KIF26B: variants seen among roughly 807,000 people sequenced by gnomAD.
KIF26B encodes the protein kinesin family member 26B.
KIF26B carries 63 observed loss-of-function variants against 151.2 expected under a neutral mutation model. That is an observed-to-expected ratio of 0.42 (90% CI 0.34 to 0.51). KIF26B has a LOEUF of 0.51. Among genes scored for constraint, KIF26B ranks in the 20% least tolerant of loss-of-function variants. KIF26B has a pLI of 0.07. For missense variants in KIF26B, 2,813 were observed against 2,913.6 expected, an observed-to-expected ratio of 0.97 and a Z score of 0.79; for synonymous variants, 1,357 against 1,262.1, an observed-to-expected ratio of 1.08 and a Z score of -1.59.
chr1:245,522,149 G>A lies in KIF26B; in HGVS notation c.1167-18618G>A, dbSNP rs560348983. Among the ~76,000 whole-genome samples the A allele has an allele frequency of 5.5e-4, 83 of 152,240 alleles. 1 individual carries two copies. The highest frequency in any genetic ancestry group is 1.1e-3 in the Admixed American group (17 of 15,288). ...CTCCCAAAGTGCTGGGATTACAGGT[G>A]TGAGCCACCGCGCCCGGCCTGGTCC... On this transcript the variant is annotated intron_variant, in intron 4 of 14. Transcript: ENST00000407071.
chr1:245,510,419 A>G (rs1203172162), intron 4 of KIF26B, among the ~76,000 whole-genome samples: 1 of 152,168 alleles, frequency 6.6e-6, no homozygotes, highest in Non-Finnish European at 1.5e-5. Context: ...GTCTGCACAT[A>G]CGTGGCTAAA....
At chr1:245,471,219 C>T (rs1659906516) in intron 4 of KIF26B, among the ~76,000 whole-genome samples, 1 of 152,006 alleles carries the variant, frequency 6.6e-6, no homozygotes, top group South Asian at 2.1e-4. Context: ...CAACCTCCAC[C>T]TCCCAGGTTC....
chr1:245,581,965 T>G (rs1771535), intron 5 of KIF26B, among the ~76,000 whole-genome samples: 4,966 of 64,244 alleles, frequency 0.077, 335 homozygotes, highest in African/African-American at 0.24. Flanking sequence ...AGGAAGGAAA[T>G]AAATAAGCAA....
chr1:245,344,582 A>G (rs1024611544), intron 2 of KIF26B, among the ~76,000 whole-genome samples: 2 of 150,430 alleles, frequency 1.3e-5, no homozygotes, highest in African/African-American at 4.9e-5. Flanking sequence ...AAGGGCAATC[A>G]CTCTGGCTTC....
At position 245,609,501 on chromosome 1, in the gene KIF26B, C is replaced by T; in HGVS notation, c.1887C>T (p.Leu629=). Residue 629 remains leucine (L), a synonymous_variant, in exon 8 of 15, where the codon CTC becomes CTT. Transcript: ENST00000407071. Reference sequence around the variant, plus strand: ...ACGGCCAGTCCCCGGGCGTGTACCTCTGTGAGGACCCCATCTGCGGCACGC... The same window carrying T: ...ACGGCCAGTCCCCGGGCGTGTACCTTTGTGAGGACCCCATCTGCGGCACGC... The part of the protein sequence containing the change: ...LQDGQSPGVY[L]CEDPICGTQL... The T allele has an allele frequency of 6.3e-7, 1 of 1,575,502 alleles. No homozygotes were observed. The highest frequency in any genetic ancestry group is 1.3e-5 in the African/African-American group (1 of 74,246).
intron 2 of KIF26B, among the ~76,000 whole-genome samples, chr1:245,159,785 A>G (rs578145669): frequency 1.3e-5 from 2 of 152,300 alleles, no homozygotes; most frequent in South Asian, 2.1e-4. Flanking sequence ...CATTCCGGGT[A>G]TCTGGTTGGT....
At chr1:245,610,311 C>G (rs755557675) in intron 8 of KIF26B, among the ~76,000 whole-genome samples, 1 of 152,190 alleles carries the variant, frequency 6.6e-6, no homozygotes, top group African/African-American at 2.4e-5. Context: ...ATGCTCTTCC[C>G]CTGCTTAAAG....
intron 10 of KIF26B, among the ~76,000 whole-genome samples, chr1:245,647,069 G>C (rs1387092091): frequency 6.6e-6 from 1 of 152,156 alleles, no homozygotes. Flanking sequence ...CCTAAAATGA[G>C]GGTTAAAGCT....
intron 4 of KIF26B, among the ~76,000 whole-genome samples, chr1:245,521,328 G>C (rs183970471): frequency 2.7e-5 from 4 of 146,496 alleles, no homozygotes; most frequent in Admixed American, 6.8e-5. Flanking sequence ...GTGACAGAGC[G>C]AGACTCCGTC....
At chr1:245,662,555 T>C (rs1210826639) in intron 10 of KIF26B, among the ~76,000 whole-genome samples, 2 of 76,144 alleles carry the variant, frequency 2.6e-5, no homozygotes, top group African/African-American at 9.5e-5. Context: ...CCCAATGATA[T>C]ATATATACAC....
At chr1:245,197,568 A>G (rs1437842867) in intron 2 of KIF26B, among the ~76,000 whole-genome samples, 1 of 152,206 alleles carries the variant, frequency 6.6e-6, no homozygotes, top group Non-Finnish European at 1.5e-5. Context: ...GTTATTCATT[A>G]GGAAGATTTG....
chr1:245,605,689 CCT>C (rs1001337869), intron 6 of KIF26B, among the ~76,000 whole-genome samples: 2 of 152,100 alleles, frequency 1.3e-5, no homozygotes, highest in Non-Finnish European at 2.9e-5. Context: ...AGGCTGCATG[CCT>C]CTCCAGGTCC....
intron 2 of KIF26B, among the ~76,000 whole-genome samples, chr1:245,286,746 A>G (rs1187939783): frequency 6.6e-6 from 1 of 152,212 alleles, no homozygotes; most frequent in African/African-American, 2.4e-5. Context: ...TCCTCACTTT[A>G]TAAAAGGAGT....
At chr1:245,248,475 G>A (rs577563805) in intron 2 of KIF26B, among the ~76,000 whole-genome samples, 1 of 152,292 alleles carries the variant, frequency 6.6e-6, no homozygotes, top group Admixed American at 6.5e-5. Flanking sequence ...ACTGAACTCT[G>A]GTTACTTCCT....
chr1:245,487,717 C>T (rs1225706128), intron 4 of KIF26B, among the ~76,000 whole-genome samples: 1 of 152,066 alleles, frequency 6.6e-6, no homozygotes, highest in African/African-American at 2.4e-5. Flanking sequence ...CCTACCTACG[C>T]CTCCCGAGTA....
At chr1:245,250,250 T>C (rs1353445359) in intron 2 of KIF26B, among the ~76,000 whole-genome samples, 19 of 152,160 alleles carry the variant, frequency 1.2e-4, no homozygotes, top group Admixed American at 1.2e-3. Context: ...TAGGTAGGCG[T>C]ATTATATATA....
At chr1:245,683,188 T>C (rs957761383) in intron 10 of KIF26B, among the ~76,000 whole-genome samples, 1 of 152,166 alleles carries the variant, frequency 6.6e-6, no homozygotes, top group Non-Finnish European at 1.5e-5. Flanking sequence ...CTGAGCTGGA[T>C]AGTCCCTCTC....
At chr1:245,638,944 CT>C (rs1275020463) in intron 9 of KIF26B, among the ~76,000 whole-genome samples, 1 of 151,508 alleles carries the variant, frequency 6.6e-6, no homozygotes, top group African/African-American at 2.4e-5. Context: ...CTGTAGTTTT[CT>C]TTTGTTATCT....
intron 3 of KIF26B, among the ~76,000 whole-genome samples, chr1:245,394,075 G>C (rs192002585): frequency 6.6e-6 from 1 of 152,158 alleles, no homozygotes; most frequent in Admixed American, 6.5e-5. Flanking sequence ...AGGTCTGAAC[G>C]GTGTTGTTTG....
Sources: allele counts gnomAD v4.1 joint callset (sites outside exome capture counted in the v4.1 genomes callset), GRCh38; gene constraint gnomAD v4.1.1; transcripts MANE v1.5; gene names NCBI Gene and HGNC (gene_info 2026-07-23, HGNC 2026-07-21).